SLC24A2: variants seen among roughly 807,000 people sequenced by gnomAD.
SLC24A2 encodes solute carrier family 24 member 2.
SLC24A2 carries 36 observed loss-of-function variants against 62.0 expected under a neutral mutation model. That is an observed-to-expected ratio of 0.58 (90% CI 0.44 to 0.77). The LOEUF (loss-of-function observed/expected upper bound fraction) is 0.77, where lower values mean the gene tolerates loss of function less well. SLC24A2 is among the 30% of genes least tolerant of loss of function. The pLI is 0.00. For synonymous variants in SLC24A2, 358 were observed against 294.0 expected, an observed-to-expected ratio of 1.22 and a Z score of -2.23; for missense variants, 846 against 817.9, an observed-to-expected ratio of 1.03 and a Z score of -0.42.
the SLC24A2 span, among the ~76,000 whole-genome samples, chr9:20,040,638 C>T: frequency 6.6e-6 from 1 of 152,182 alleles, no homozygotes; most frequent in African/African-American, 2.4e-5. Context: ...TTTGTGGCTA[C>T]ATAGAAATAC....
In SLC24A2 at chr9:19,515,531, TCA is replaced by T. The variant is rs1832888110; in HGVS notation, c.*620_*621del. Reference sequence around the variant, plus strand: ...CAGCAAGTCCAAGGTAGGCTGAAGGTCACAGCAATGCTACCTTTGTCTTGTTG... The same window carrying T: ...CAGCAAGTCCAAGGTAGGCTGAAGGTCAGCAATGCTACCTTTGTCTTGTTG... On this transcript the variant is annotated 3_prime_UTR_variant, in exon 11 of 11. Coordinates refer to ENST00000341998, the MANE Select transcript of SLC24A2 (RefSeq NM_020344.4). 3 of 152,288 alleles carry T rather than the reference TCA, an allele frequency of 2.0e-5. No individual in the cohort carries two copies. Among genetic ancestry groups the T allele is most frequent in the African/African-American group, 7.2e-5 (3 of 41,514 alleles). The allele number at this position is 152,288 out of a possible 1,614,324, so 9.4% of individuals were successfully genotyped here.
chr9:19,818,786 A>T, the SLC24A2 span, among the ~76,000 whole-genome samples: 1 of 152,154 alleles, frequency 6.6e-6, no homozygotes, highest in African/African-American at 2.4e-5. Flanking sequence ...AACAATCTAC[A>T]AATTCAACAC....
chr9:19,529,177 C>G (rs1225778870), intron 8 of SLC24A2, among the ~76,000 whole-genome samples: 1 of 152,074 alleles, frequency 6.6e-6, no homozygotes, highest in East Asian at 1.9e-4. Context: ...CCACTTTTTG[C>G]TTTGATAATG....
At chr9:19,855,513 G>C in the SLC24A2 span, among the ~76,000 whole-genome samples, 1 of 152,186 alleles carries the variant, frequency 6.6e-6, no homozygotes, top group Non-Finnish European at 1.5e-5. Flanking sequence ...GCATTTGCTT[G>C]TCTGAAAAGG....
intron 3 of SLC24A2, among the ~76,000 whole-genome samples, chr9:19,621,057 C>T (rs1021080575): frequency 4.6e-5 from 7 of 152,210 alleles, no homozygotes; most frequent in African/African-American, 7.2e-5. Context: ...ACCACTAAGT[C>T]TAACACTAAA....
At chr9:19,778,968 A>G (rs990800445) in intron 2 of SLC24A2, among the ~76,000 whole-genome samples, 1 of 152,224 alleles carries the variant, frequency 6.6e-6, no homozygotes, top group African/African-American at 2.4e-5. Context: ...CAGATTTGAA[A>G]AAGAGCCACA....
chr9:19,513,176 G>GTATATATATATATATATATATATGTA lies in SLC24A2; in HGVS notation c.*2976_*2977insTACATATATATATATATATATATATA, dbSNP rs60849714. 1 of 66,972 alleles carries GTATATATATATATATATATATATGTA rather than the reference G, an allele frequency of 1.5e-5. No homozygotes were observed. Among genetic ancestry groups the GTATATATATATATATATATATATGTA allele is most frequent in the Non-Finnish European group, 3.1e-5 (1 of 32,550 alleles). The allele number at this position is 66,972 out of a possible 1,614,324, so 4.1% of individuals were successfully genotyped here. On this transcript the variant is annotated 3_prime_UTR_variant, in exon 11 of 11. Transcript: ENST00000341998. ...AAGATATATATATATATATATATAT[G>GTATATATATATATATATATATATGTA]TATATATATATATATGTATATATTT...
chr9:19,529,080 A>T (rs969141250), intron 8 of SLC24A2, among the ~76,000 whole-genome samples: 2 of 152,164 alleles, frequency 1.3e-5, no homozygotes, highest in Non-Finnish European at 2.9e-5. Context: ...TTAAAAACAC[A>T]CTCAGACAGC....
Position 19,786,631 on chromosome 9 carries a change from G to A in SLC24A2, c.236C>T (p.Ala79Val), listed in dbSNP as rs766243180. The A allele has an allele frequency of 1.2e-6, 2 of 1,613,962 alleles. No homozygotes were observed. The highest frequency in any genetic ancestry group is 1.3e-5 in the African/African-American group (1 of 74,914). ...GAGAGTTCTCTGATGGTAACCCTGT[G>A]CTACCCTAGGGCCACTTACAACACT... ...EASVVSGPRV[A>V]QGYHQRTLLD... Residue 79 changes from alanine (A) to valine (V), a missense_variant, in exon 2 of 11, where the codon GCA (alanine) becomes GTA (valine). Physicochemically the swap from Ala to Val is moderately conservative, Grantham distance 64. Coordinates refer to ENST00000341998, the MANE Select transcript of SLC24A2 (RefSeq NM_020344.4). The surrounding 1 kb of genome is among the most constrained non-coding windows in gnomAD (Gnocchi z 5.0).
intron 2 of SLC24A2, among the ~76,000 whole-genome samples, chr9:19,774,907 G>A (rs935165305): frequency 6.6e-6 from 1 of 152,212 alleles, no homozygotes; most frequent in African/African-American, 2.4e-5. Flanking sequence ...GTACAAGCAA[G>A]TATACTTGTT....
the SLC24A2 span, among the ~76,000 whole-genome samples, chr9:19,975,900 T>TTTTATTTGTTTG: frequency 6.6e-6 from 1 of 150,898 alleles, no homozygotes; most frequent in African/African-American, 2.4e-5. Flanking sequence ...AAACATACGT[T>TTTTATTTGTTTG]TTTGTTTGTT....
the SLC24A2 span, among the ~76,000 whole-genome samples, chr9:19,945,078 G>A: frequency 5.3e-5 from 8 of 152,012 alleles, no homozygotes; most frequent in Non-Finnish European, 8.8e-5. Context: ...TAAAGAATCC[G>A]GACAGCAAAA....
chr9:20,076,237 G>C, the SLC24A2 span, among the ~76,000 whole-genome samples: 1 of 152,102 alleles, frequency 6.6e-6, no homozygotes, highest in South Asian at 2.1e-4. Flanking sequence ...GAATTTCACA[G>C]TTAGATGAGC....
the SLC24A2 span, among the ~76,000 whole-genome samples, chr9:20,119,329 C>T: frequency 1.3e-5 from 2 of 149,038 alleles, no homozygotes; most frequent in Non-Finnish European, 3.0e-5. Context: ...TAAATCACTA[C>T]ATTTTTTTGT....
chr9:19,749,743 CTTACCT>C (rs774930265), intron 2 of SLC24A2, among the ~76,000 whole-genome samples: 104 of 152,274 alleles, frequency 6.8e-4, no homozygotes, highest in Admixed American at 1.4e-3. Context: ...AAAAACGAAA[CTTACCT>C]AGCATCTCAT....
At chr9:19,645,783 A>T (rs1361039771) in intron 2 of SLC24A2, among the ~76,000 whole-genome samples, 1 of 152,236 alleles carries the variant, frequency 6.6e-6, no homozygotes, top group African/African-American at 2.4e-5. Context: ...TTGACTATGA[A>T]TCACAACTAC....
the SLC24A2 span, among the ~76,000 whole-genome samples, chr9:20,234,970 T>C: frequency 6.6e-6 from 1 of 152,240 alleles, no homozygotes; most frequent in Non-Finnish European, 1.5e-5. Flanking sequence ...TGCAGGTCTG[T>C]TGGAGTTTGC....
the SLC24A2 span, chr9:19,929,553 A>G: frequency 1.3e-5 from 2 of 152,228 alleles, no homozygotes; most frequent in Non-Finnish European, 2.9e-5. Context: ...CAGTTGTAAA[A>G]AAGAATAGCA....
In SLC24A2 at chr9:19,599,566, A is replaced by C. The variant is rs935333657; in HGVS notation, c.1079-2287T>G. Among the ~76,000 whole-genome samples, 5 of 152,218 alleles carry C rather than the reference A, an allele frequency of 3.3e-5. No homozygotes were observed. The highest frequency in any genetic ancestry group is 2.1e-4 in the South Asian group (1 of 4,828). On this transcript the variant is annotated intron_variant, in intron 4 of 10. Coordinates refer to ENST00000341998, the MANE Select transcript of SLC24A2 (RefSeq NM_020344.4). This position sits in a 1 kb window ranked among gnomAD's most constrained non-coding sequence, Gnocchi z 4.5. ...ACCAGCCTGCTAGAATACGGTCTTT[A>C]GCACTAACAGCAACAGGATGGTGAG...
Sources: gnomAD v4.1 joint callset for allele counts (sites outside exome capture counted in the v4.1 genomes callset) on GRCh38, gnomAD v4.1.1 for gene constraint, Gnocchi (gnomAD v3.1) non-coding constraint, MANE v1.5 for transcripts, NCBI Gene and HGNC (gene_info 2026-07-23, HGNC 2026-07-21) for gene names.